CDH7: variants seen among roughly 807,000 people sequenced by gnomAD.
CDH7 encodes the protein cadherin-7.
Under a neutral mutation model 71.8 loss-of-function variants are expected in CDH7, and 25 were observed. The observed-to-expected ratio is 0.35, with a 90% CI of 0.25 to 0.49. The LOEUF (loss-of-function observed/expected upper bound fraction) is 0.49. Among genes scored for constraint, CDH7 ranks in the 20% least tolerant of loss-of-function variants. The probability of loss-of-function intolerance (pLI) is 0.99; values close to 1 mark genes in which losing one functional copy is unlikely to be tolerated. For missense variants in CDH7, 862 were observed against 974.6 expected, an observed-to-expected ratio of 0.88 and a Z score of 1.54; for synonymous variants, 381 against 363.8, an observed-to-expected ratio of 1.05 and a Z score of -0.54.
intron 11 of CDH7, among the ~76,000 whole-genome samples, chr18:65,878,982 T>C (rs1914145337): frequency 6.6e-6 from 1 of 152,154 alleles, no homozygotes; most frequent in African/African-American, 2.4e-5. Flanking sequence ...AGATCACCAA[T>C]ACAGTTTTTC....
intron 11 of CDH7, among the ~76,000 whole-genome samples, chr18:65,868,801 A>G (rs181427606): frequency 5.3e-5 from 8 of 152,350 alleles, no homozygotes; most frequent in Admixed American, 2.0e-4. Flanking sequence ...AACTGAGACT[A>G]AGGTGAAATC....
At chr18:65,790,073 C>A (rs1318299384) in intron 2 of CDH7, among the ~76,000 whole-genome samples, 6 of 151,354 alleles carry the variant, frequency 4.0e-5, no homozygotes, top group Non-Finnish European at 8.8e-5. Flanking sequence ...ACTAAAAATA[C>A]AAAAAAATTA....
At chr18:65,807,368 GC>G (rs1911361874) in intron 2 of CDH7, among the ~76,000 whole-genome samples, 1 of 152,164 alleles carries the variant, frequency 6.6e-6, no homozygotes, top group South Asian at 2.1e-4. Flanking sequence ...GGACATTGTA[GC>G]ACCATGCCAG....
At chr18:65,767,980 A>G (rs772036829) in intron 2 of CDH7, among the ~76,000 whole-genome samples, 32 of 152,190 alleles carry the variant, frequency 2.1e-4, no homozygotes, top group Non-Finnish European at 4.1e-4. Flanking sequence ...ATAATTACCA[A>G]AGGCTTTAGC....
intron 2 of CDH7, among the ~76,000 whole-genome samples, chr18:65,768,084 G>T (rs1262498076): frequency 6.6e-6 from 1 of 152,110 alleles, no homozygotes; most frequent in Non-Finnish European, 1.5e-5. Flanking sequence ...CACATTTCCT[G>T]ATTGTCTGTG....
intron 4 of CDH7, 105 bp from the exon 5 acceptor site, chr18:65,821,976 C>A (rs2143936770): frequency 1.2e-6 from 1 of 823,858 alleles, no homozygotes; most frequent in Admixed American, 2.4e-5. Flanking sequence ...AACAAAACAA[C>A]AAAAGGCAAC....
intron 2 of CDH7, among the ~76,000 whole-genome samples, chr18:65,802,134 A>G (rs1911145383): frequency 6.6e-6 from 1 of 152,162 alleles, no homozygotes; most frequent in African/African-American, 2.4e-5. Flanking sequence ...AAGAGTTTTC[A>G]TGTAGGGTTT....
chr18:65,788,774 C>T (rs377740817), intron 2 of CDH7, among the ~76,000 whole-genome samples: 1 of 152,114 alleles, frequency 6.6e-6, no homozygotes, highest in African/African-American at 2.4e-5. Flanking sequence ...CCTGCTTTCG[C>T]TTAGATGAAA....
At chr18:65,805,834 G>A (rs1911297245) in intron 2 of CDH7, among the ~76,000 whole-genome samples, 1 of 152,148 alleles carries the variant, frequency 6.6e-6, no homozygotes, top group African/African-American at 2.4e-5. Context: ...CGTTTAATGA[G>A]GGGTGTGATA....
rs867684798 is a variant in CDH7 at position 65,781,970 on chromosome 18, C to T, written c.210+18918C>T. Among the ~76,000 whole-genome samples, 165 of 71,030 alleles carry T rather than the reference C, an allele frequency of 2.3e-3. 6 individuals are homozygous for T. The highest frequency in any genetic ancestry group is 7.4e-3 in the African/African-American group (71 of 9,612). The allele number at this position is 71,030 out of a possible 152,430, so 46.6% of individuals were successfully genotyped here. ...TTTCTCTCTTTCTCTCTTTCTCTCT[C>T]TCTCTCTCTCTCTCTCTTTCTCTCT... On this transcript the variant is annotated intron_variant, in intron 2 of 11. Transcript: ENST00000397968.
chr18:65,842,296 A>G (rs1408922485), intron 6 of CDH7, among the ~76,000 whole-genome samples: 1 of 152,116 alleles, frequency 6.6e-6, no homozygotes, highest in Non-Finnish European at 1.5e-5. Flanking sequence ...CAGGGCTTCA[A>G]ATCTAGTGGC....
In CDH7 at chr18:65,881,104, A is replaced by G; in HGVS notation, c.*210A>G. On this transcript the variant is annotated 3_prime_UTR_variant, in exon 12 of 12. Coordinates refer to ENST00000397968, the MANE Select transcript of CDH7 (RefSeq NM_004361.5). Reference sequence around the variant, plus strand: ...TAGACTTATCTAAAGGACTGCACTGACCACAGACTCTGAGCATTTGAAGGT... The same window carrying G: ...TAGACTTATCTAAAGGACTGCACTGGCCACAGACTCTGAGCATTTGAAGGT... 2 of 453,696 alleles carry G rather than the reference A, an allele frequency of 4.4e-6. No individual in the cohort carries two copies. The highest frequency in any genetic ancestry group is 9.8e-5 in the South Asian group (2 of 20,418). 28.1% of individuals were successfully genotyped at this position (453,696 alleles called of 1,614,324 possible). A position where few individuals can be genotyped will look rare whatever the true frequency, so the allele number is the denominator to read the frequency against.
intron 2 of CDH7, 104 bp downstream of exon 2, chr18:65,763,156 A>T (rs1916251868): frequency 1.7e-6 from 1 of 592,434 alleles, no homozygotes; most frequent in African/African-American, 1.9e-5. Flanking sequence ...TGCTATGGGG[A>T]TGGTAAACAC....
At position 65,873,682 on chromosome 18, in the gene CDH7, C is replaced by T. The variant is rs151301662; in HGVS notation, c.1865-6719C>T. ...AGCTAGTGGCAACTATGGTAGACAA[C>T]GAAAATTTAAACGACTATTTTATGG... On this transcript the variant is annotated intron_variant, in intron 11 of 11. Coordinates refer to ENST00000397968, the MANE Select transcript of CDH7 (RefSeq NM_004361.5). 4.7e-3 allele frequency among the ~76,000 whole-genome samples: 712 copies of T among 152,118 alleles called. 4 individuals carry two copies. The highest frequency in any genetic ancestry group is 7.3e-3 in the Non-Finnish European group (494 of 67,970).
Position 65,880,912 on chromosome 18 carries a change from G to T in CDH7, c.*18G>T. On this transcript the variant is annotated 3_prime_UTR_variant, in exon 12 of 12. Coordinates refer to ENST00000397968, the MANE Select transcript of CDH7 (RefSeq NM_004361.5). ...ACTCATAGCCTTGGAACCTTAATTC[G>T]AAATGTACTGAAGAAAAAGTAACAG... 6.4e-7 allele frequency: 1 copy of T among 1,553,134 alleles called. No individual in the cohort carries two copies. The highest frequency in any genetic ancestry group is 1.4e-5 in the African/African-American group (1 of 72,214).
At chr18:65,841,230 G>A (rs1009969957) in intron 6 of CDH7, among the ~76,000 whole-genome samples, 3 of 151,830 alleles carry the variant, frequency 2.0e-5, no homozygotes, top group Non-Finnish European at 2.9e-5. Context: ...TGACTTTTTA[G>A]CATCCAGATG....
At position 65,809,754 on chromosome 18, in the gene CDH7, A is replaced by T; in HGVS notation, c.261A>T (p.Ser87=). 1 of 1,614,080 alleles carries T rather than the reference A, an allele frequency of 6.2e-7. No homozygotes were observed. Among genetic ancestry groups the T allele is most frequent in the Non-Finnish European group, 8.5e-7 (1 of 1,179,972 alleles). ...KGDGSIKYIL[S]GEGASSIFII... is the part of the protein sequence containing the mutation. ...ATGGTTCCATCAAATACATCTTGTCAGGCGAAGGGGCAAGTTCCATTTTCA... is the reference window on the plus strand; with the variant it reads ...ATGGTTCCATCAAATACATCTTGTCTGGCGAAGGGGCAAGTTCCATTTTCA... Residue 87 remains serine (S), a synonymous_variant, in exon 3 of 12, where the codon TCA becomes TCT. Transcript: ENST00000397968.
intron 2 of CDH7, among the ~76,000 whole-genome samples, chr18:65,799,338 G>A (rs930003488): frequency 1.3e-5 from 2 of 152,054 alleles, no homozygotes; most frequent in African/African-American, 4.8e-5. Flanking sequence ...CTGTAGGAAA[G>A]AGAAGCATAC....
chr18:65,866,342 AAAAAAAG>A, intron 11 of CDH7: 4 of 8,406 alleles, frequency 4.8e-4, no homozygotes, highest in African/African-American at 1.3e-3. Context: ...AAAAAAAAAA[AAAAAAAG>A]AATGAAACTA....
Sources: gnomAD v4.1 joint callset for allele counts (sites outside exome capture counted in the v4.1 genomes callset) on GRCh38, gnomAD v4.1.1 for gene constraint, MANE v1.5 for transcripts, NCBI Gene and HGNC (gene_info 2026-07-23, HGNC 2026-07-21) for gene names.